POLH: variants seen among roughly 807,000 people sequenced by gnomAD.
The protein encoded by POLH is DNA polymerase eta.
A neutral mutation model predicts 73.6 loss-of-function variants in POLH; 53 were observed. That is an observed-to-expected ratio of 0.72 (90% CI 0.58 to 0.91). The LOEUF is 0.91. Ranked by LOEUF, POLH falls within the 40% of genes least tolerant of loss-of-function variation. The pLI, the probability that POLH is intolerant of heterozygous loss-of-function variation, is 0.00. For synonymous variants in POLH, 292 were observed against 308.5 expected (o/e 0.95, Z 0.56); for missense variants, 768 against 865.4 (o/e 0.89, Z 1.41).
chr6:43,615,840 T>A lies in POLH; in HGVS notation c.*1283T>A, dbSNP rs1768287961. Among the ~76,000 whole-genome samples, 1 of 151,428 alleles carries A rather than the reference T, an allele frequency of 6.6e-6. No individual in the cohort carries two copies. The highest frequency in any genetic ancestry group is 2.1e-4 in the South Asian group (1 of 4,754). On this transcript the variant is annotated 3_prime_UTR_variant, in exon 11 of 11. Coordinates refer to ENST00000372236, the MANE Select transcript of POLH (RefSeq NM_006502.3). ...GGCACGTGCTACCACACTCAGCTAA[T>A]TTTTGTATTTTTAATAGAGATGAGG... is the stretch of plus-strand genomic sequence containing the variant.
intron 10 of POLH, among the ~76,000 whole-genome samples, chr6:43,612,946 G>A (rs1768055728): frequency 6.6e-6 from 1 of 151,696 alleles, no homozygotes; most frequent in African/African-American, 2.4e-5. Flanking sequence ...GGTTACAGGC[G>A]TGTGTCACCA....
chr6:43,581,474 T>C (rs1268034667), intron 1 of POLH, among the ~76,000 whole-genome samples: 12 of 146,038 alleles, frequency 8.2e-5, no homozygotes, highest in South Asian at 2.2e-4. Context: ...GAGACACTCC[T>C]CACTTCCCAG....
At chr6:43,596,023 TAAAAC>T (rs1365550944) in intron 4 of POLH, among the ~76,000 whole-genome samples, 1 of 150,260 alleles carries the variant, frequency 6.7e-6, no homozygotes, top group Non-Finnish European at 1.5e-5. Flanking sequence ...TCTCAAAAAA[TAAAAC>T]AATTATGTCT....
Position 43,614,410 on chromosome 6 carries a change from G to T in POLH, c.1995G>T (p.Gln665His). The change falls in exon 11 of 11, where the codon CAG (glutamine) becomes CAT (histidine). Residue 665 changes from glutamine (Q) to histidine (H), a missense_variant. Coordinates refer to ENST00000372236, the MANE Select transcript of POLH (RefSeq NM_006502.3). Reference sequence around the variant, plus strand: ...TGGAGTTGCAGAAATCCTTTTTGCAGCCCCACTCTTCAAACCCCCAGGTTG... The same window carrying T: ...TGGAGTTGCAGAAATCCTTTTTGCATCCCCACTCTTCAAACCCCCAGGTTG... ...FALELQKSFLQPHSSNPQVVS... is the reference protein window; with the variant it reads ...FALELQKSFLHPHSSNPQVVS... 1.2e-6 allele frequency: 2 copies of T among 1,614,140 alleles called. No individual in the cohort carries two copies. Among genetic ancestry groups the T allele is most frequent in the Non-Finnish European group, 1.7e-6 (2 of 1,180,014 alleles).
chr6:43,590,604 C>G (rs182371453), intron 4 of POLH, among the ~76,000 whole-genome samples: 1 of 150,948 alleles, frequency 6.6e-6, no homozygotes, highest in East Asian at 2.0e-4. Flanking sequence ...TCAGTTGTAT[C>G]CCCCCAGAGC....
At position 43,614,374 on chromosome 6, in the gene POLH, T is replaced by C. The variant is rs201357691; in HGVS notation, c.1959T>C (p.Tyr653=). The C allele has an allele frequency of 1.3e-5, 21 of 1,613,928 alleles. No homozygotes were observed. Among genetic ancestry groups the C allele is most frequent in the Non-Finnish European group, 5.9e-6 (7 of 1,179,890 alleles). The change falls in exon 11 of 11, where the codon TAT becomes TAC. Residue 653 remains tyrosine, a synonymous_variant. Coordinates refer to ENST00000372236, the MANE Select transcript of POLH (RefSeq NM_006502.3). ...GGGATATGCCAGAACACATGGACTA[T>C]CATTTTGCATTGGAGTTGCAGAAAT... ...PVWDMPEHMD[Y]HFALELQKSF... is the part of the protein sequence containing the mutation.
In POLH at chr6:43,587,313, G is replaced by A. The variant is rs755734466; in HGVS notation, c.314G>A (p.Arg105His). 5.6e-6 allele frequency: 9 copies of A among 1,614,126 alleles called. No individual in the cohort carries two copies. The highest frequency in any genetic ancestry group is 3.3e-4 in the Middle Eastern group (2 of 6,062). The change falls in exon 4 of 11, where the codon CGT (arginine) becomes CAT (histidine). Residue 105 changes from arginine (R) to histidine (H), a missense_variant. Arg to His is a conservative substitution (Grantham distance 29, BLOSUM62 0). Coordinates refer to ENST00000372236, the MANE Select transcript of POLH (RefSeq NM_006502.3). ...ASVEVMEIMS[R>H]FAVIERASID... Reference sequence around the variant, plus strand: ...GTTGAAGTGATGGAGATAATGTCTCGTTTTGCTGTGATTGAACGTGCCAGC... The same window carrying A: ...GTTGAAGTGATGGAGATAATGTCTCATTTTGCTGTGATTGAACGTGCCAGC...
At chr6:43,605,752 C>G (rs1213729466) in intron 9 of POLH, among the ~76,000 whole-genome samples, 1 of 151,906 alleles carries the variant, frequency 6.6e-6, no homozygotes, top group Non-Finnish European at 1.5e-5. Flanking sequence ...AGTTTTCCCT[C>G]TTGCTGCCCA....
intron 10 of POLH, 60 bp from the exon 11 acceptor site, chr6:43,613,600 T>C (rs1209739823): frequency 2.3e-6 from 3 of 1,311,688 alleles, no homozygotes; most frequent in East Asian, 2.3e-5. Context: ...GAATTAGCAA[T>C]AGGTCACTAT....
chr6:43,604,478 C>G, intron 7 of POLH, 137 bp from the exon 8 acceptor site: 1 of 869,550 alleles, frequency 1.2e-6, no homozygotes, highest in Non-Finnish European at 1.9e-6. Flanking sequence ...CGTCAGAGGT[C>G]CGGTACACTA....
At chr6:43,600,864 T>C (rs1310288027) in intron 5 of POLH, 124 bp from the exon 6 acceptor site, 2 of 749,702 alleles carry the variant, frequency 2.7e-6, no homozygotes, top group African/African-American at 3.5e-5. Flanking sequence ...ATTTTTGTTT[T>C]TAATGTAGAA....
chr6:43,588,978 C>T (rs113103305), intron 4 of POLH, among the ~76,000 whole-genome samples: 3,152 of 152,140 alleles, frequency 0.021, 51 homozygotes, highest in Admixed American at 0.053. Context: ...GCTGGGATTA[C>T]GGGCGCCCGC....
At chr6:43,581,299 G>A (rs1264593170) in intron 1 of POLH, among the ~76,000 whole-genome samples, 11 of 148,036 alleles carry the variant, frequency 7.4e-5, no homozygotes, top group Non-Finnish European at 1.3e-4. Context: ...GACGATGGGC[G>A]GGCGGGCAGA....
intron 9 of POLH, 124 bp downstream of exon 9, chr6:43,605,443 C>CTTTTTTTTTTTTT (rs540143863): frequency 4.7e-5 from 14 of 296,250 alleles, no homozygotes; most frequent in East Asian, 1.7e-4. Flanking sequence ...CGTTTTCTTT[C>CTTTTTTTTTTTTT]TTTTTTTTTT....
intron 3 of POLH, among the ~76,000 whole-genome samples, chr6:43,583,491 G>A (rs556939745): frequency 2.6e-5 from 4 of 152,242 alleles, no homozygotes; most frequent in Admixed American, 2.6e-4. Context: ...TCCAGGAAAG[G>A]CTGAGTCAAA....
chr6:43,620,380 C>T lies in POLH; in HGVS notation c.*5823C>T, dbSNP rs1350378592. The stretch of plus-strand genomic sequence containing the variant: ...AATGGTGAACGAGATACCAGCTGGG[C>T]TCTTTCCACATTCAGGGCTCAGCAG... On this transcript the variant is annotated 3_prime_UTR_variant, in exon 11 of 11. Transcript: ENST00000372236. 1 of 497,588 alleles carries T rather than the reference C, an allele frequency of 2.0e-6. No homozygotes were observed. Among genetic ancestry groups the T allele is most frequent in the Non-Finnish European group, 4.0e-6 (1 of 252,454 alleles). 30.8% of individuals were successfully genotyped at this position (497,588 alleles called of 1,614,324 possible).
intron 5 of POLH, among the ~76,000 whole-genome samples, chr6:43,598,472 CAA>C (rs965153966): frequency 1.4e-5 from 2 of 138,252 alleles, no homozygotes; most frequent in African/African-American, 2.7e-5. Context: ...ACTAAAAATA[CAA>C]AAAAAAAAAA....
chr6:43,597,801 A>G lies in POLH; in HGVS notation c.596A>G (p.Glu199Gly). 6.2e-7 allele frequency: 1 copy of G among 1,613,900 alleles called. No homozygotes were observed. The highest frequency in any genetic ancestry group is 8.5e-7 in the Non-Finnish European group (1 of 1,179,820). ...ACCGTGGGAGCAGTGATTGTGGAGG[A>G]AATGAGAGCAGCCATAGAGAGGGAG... ...QLTVGAVIVE[E>G]MRAAIERETG... The change falls in exon 5 of 11, where the codon GAA (glutamate) becomes GGA (glycine). Residue 199 changes from glutamate to glycine, a missense_variant. Physicochemically the swap from Glu to Gly is moderately conservative, Grantham distance 98. Transcript: ENST00000372236.
intron 6 of POLH, among the ~76,000 whole-genome samples, chr6:43,602,702 C>T (rs1306939047): frequency 1.3e-5 from 2 of 151,946 alleles, no homozygotes; most frequent in Non-Finnish European, 2.9e-5. Context: ...AAGTCTTGCT[C>T]TGTTGCCCAG....
Sources: allele counts gnomAD v4.1 joint callset (sites outside exome capture counted in the v4.1 genomes callset), GRCh38; gene constraint gnomAD v4.1.1; transcripts MANE v1.5; gene names NCBI Gene and HGNC (gene_info 2026-07-23, HGNC 2026-07-21).